UBAP2: variants seen among roughly 807,000 people sequenced by gnomAD.
UBAP2 encodes ubiquitin associated protein 2, also known as ubiquitin-associated protein 2.
A neutral mutation model predicts 139.6 loss-of-function variants in UBAP2; 75 were observed. The observed-to-expected ratio is 0.54, with a 90% CI of 0.45 to 0.65. The LOEUF (loss-of-function observed/expected upper bound fraction) is 0.65, where lower values mean the gene tolerates loss of function less well. Ranked by LOEUF, UBAP2 falls within the 30% of genes least tolerant of loss-of-function variation. The pLI is 0.00. For synonymous variants in UBAP2, 526 were observed against 526.2 expected, an observed-to-expected ratio of 1.00 and a Z score of 0.01; for missense variants, 1,368 against 1,369.6, an observed-to-expected ratio of 1.00 and a Z score of 0.02.
chr9:33,989,884 C>T (rs1259556583), intron 4 of UBAP2, among the ~76,000 whole-genome samples: 1 of 152,070 alleles, frequency 6.6e-6, no homozygotes. Context: ...TTATCTAAAA[C>T]AATTTAATGG....
Position 33,943,545 on chromosome 9 carries a change from T to C in UBAP2, c.1590A>G (p.Thr530=). 1.9e-6 allele frequency: 3 copies of C among 1,614,180 alleles called. No homozygotes were observed. The highest frequency in any genetic ancestry group is 2.5e-6 in the Non-Finnish European group (3 of 1,180,024). ...GAGCCCCAAACTGCACATTTAATCC[T>C]GTGACATCTGCTGAACCAGGCATTT... The part of the protein sequence containing the change: ...AVEMPGSADV[T]GLNVQFGALE... Residue 530 remains threonine (T), a synonymous_variant, in exon 15 of 29, where the codon ACA becomes ACG. Transcript: ENST00000379238.
chr9:34,004,394 G>A (rs938880841), intron 2 of UBAP2, among the ~76,000 whole-genome samples: 1 of 152,010 alleles, frequency 6.6e-6, no homozygotes, highest in South Asian at 2.1e-4. Flanking sequence ...TAAGGTGGGA[G>A]GATCACCTTA....
chr9:33,939,206 T>TTTTTTTTTTTTTTC (rs575154458), intron 16 of UBAP2, among the ~76,000 whole-genome samples: 2 of 138,316 alleles, frequency 1.4e-5, no homozygotes, highest in Non-Finnish European at 1.6e-5. Flanking sequence ...TTTTTTTTTT[T>TTTTTTTTTTTTTTC]TTTTTGAGAT....
At chr9:33,974,945 G>A (rs1828188810) in intron 6 of UBAP2, among the ~76,000 whole-genome samples, 1 of 149,382 alleles carries the variant, frequency 6.7e-6, no homozygotes, top group Non-Finnish European at 1.5e-5. Flanking sequence ...AAAAAGGGGG[G>A]GGTGCGGGGG....
intron 13 of UBAP2, 102 bp from the exon 14 acceptor site, chr9:33,944,741 C>T: frequency 7.3e-7 from 1 of 1,370,200 alleles, no homozygotes; most frequent in Non-Finnish European, 9.9e-7. Flanking sequence ...AAATCATTTC[C>T]AGTTGAATTT....
chr9:33,980,024 G>C (rs935419204), intron 6 of UBAP2, among the ~76,000 whole-genome samples: 2 of 151,682 alleles, frequency 1.3e-5, no homozygotes, highest in African/African-American at 4.8e-5. Flanking sequence ...AGTGAGCCGA[G>C]ATCACGCCAC....
chr9:34,004,820 A>T (rs1823044759), intron 2 of UBAP2, among the ~76,000 whole-genome samples: 1 of 151,588 alleles, frequency 6.6e-6, no homozygotes. Flanking sequence ...GTAAATTTTA[A>T]GGCTGGGCAC....
intron 11 of UBAP2, among the ~76,000 whole-genome samples, chr9:33,953,981 A>ACTGCAACCTCTGCCTCC: frequency 6.6e-6 from 1 of 151,684 alleles, no homozygotes; most frequent in South Asian, 2.1e-4. Flanking sequence ...ACCCTGGCTC[A>ACTGCAACCTCTGCCTCC]CTGCAACCTC....
intron 1 of UBAP2, among the ~76,000 whole-genome samples, chr9:34,032,276 A>T (rs1231222998): frequency 6.6e-6 from 1 of 152,216 alleles, no homozygotes; most frequent in African/African-American, 2.4e-5. Context: ...TGAAAGGATG[A>T]AAGTAAGAAC....
intron 2 of UBAP2, among the ~76,000 whole-genome samples, chr9:34,015,726 T>C (rs1294989960): frequency 6.6e-6 from 1 of 152,108 alleles, no homozygotes; most frequent in African/African-American, 2.4e-5. Context: ...TGAGCCAAGG[T>C]CTCACTCTGT....
rs767086185 is a variant in UBAP2, at chr9:33,941,810, A to G, written c.1768T>C (p.Tyr590His). 1 of 1,614,072 alleles carries G rather than the reference A, an allele frequency of 6.2e-7. No individual in the cohort carries two copies. Residue 590 changes from tyrosine to histidine, a missense_variant, in exon 16 of 29, where the codon TAT (tyrosine) becomes CAT (histidine). Coordinates refer to ENST00000379238, the MANE Select transcript of UBAP2 (RefSeq NM_001370062.2). ...CAGGAGGTAATGACGGAAGTTGTAT[A>G]TGTGGAGTTCTGTACTGCACTGGTC... ...SMTSAVQNST[Y>H]TTSVITSCSL...
At chr9:33,988,820 T>C (rs959250971) in intron 5 of UBAP2, among the ~76,000 whole-genome samples, 153 bp downstream of exon 5, 1 of 152,204 alleles carries the variant, frequency 6.6e-6, no homozygotes, top group Admixed American at 6.6e-5. Flanking sequence ...GACTAATCTT[T>C]CAGTCGTTCA....
At chr9:33,927,333 A>G (rs898062667) in intron 20 of UBAP2, among the ~76,000 whole-genome samples, 6 of 152,146 alleles carry the variant, frequency 3.9e-5, no homozygotes, top group Admixed American at 1.3e-4. Context: ...CCCAGTCCCT[A>G]AGGTCCCACT....
intron 8 of UBAP2, among the ~76,000 whole-genome samples, chr9:33,964,921 A>C (rs760961762): frequency 3.1e-4 from 47 of 152,140 alleles, no homozygotes; most frequent in Non-Finnish European, 5.4e-4. Flanking sequence ...CAGCACTTGG[A>C]ATTTTTCATT....
chr9:34,045,520 C>T (rs534268765), intron 1 of UBAP2, among the ~76,000 whole-genome samples: 24 of 151,966 alleles, frequency 1.6e-4, no homozygotes, highest in African/African-American at 3.4e-4. Flanking sequence ...ACTACAGGCA[C>T]GCGCCACCAC....
rs746453284 is a variant in UBAP2 at position 33,932,642 on chromosome 9, CAG to C, written c.2109-16_2109-15del. On this transcript the variant is annotated splice_polypyrimidine_tract_variant and intron_variant, in intron 18 of 28. Transcript: ENST00000379238. ...CTGGAGAGCGAACTAGAAGACAAAA[CAG>C]AGCGCCGTATGTCCACCTGAACAAG... is the stretch of plus-strand genomic sequence containing the variant. The C allele has an allele frequency of 1.2e-6, 2 of 1,613,614 alleles. No homozygotes were observed. The highest frequency in any genetic ancestry group is 2.2e-5 in the East Asian group (1 of 44,860).
intron 1 of UBAP2, among the ~76,000 whole-genome samples, chr9:34,038,219 G>T (rs912449080): frequency 6.6e-6 from 1 of 151,602 alleles, no homozygotes; most frequent in South Asian, 2.1e-4. Flanking sequence ...GAGAGGCTGA[G>T]GTGGGAAGAT....
chr9:33,935,640 A>AC, intron 17 of UBAP2, 199 bp downstream of exon 17: 1 of 635,432 alleles, frequency 1.6e-6, no homozygotes, highest in Non-Finnish European at 2.8e-6. Flanking sequence ...ATATGAGACC[A>AC]CCACCTCCTT....
chr9:33,922,675 C>T lies in UBAP2; in HGVS notation c.3264+12G>A, dbSNP rs565347052. The T allele has an allele frequency of 1.3e-6, 2 of 1,569,532 alleles. No homozygotes were observed. The highest frequency in any genetic ancestry group is 2.7e-5 in the African/African-American group (2 of 73,996). On this transcript the variant is annotated intron_variant, in intron 28 of 28. Coordinates refer to ENST00000379238, the MANE Select transcript of UBAP2 (RefSeq NM_001370062.2). ...CCCAGAGTAGGGTGGCTGCCTCCAT[C>T]ACTGTACTCACCTGTGCATCCTGCG...
Sources: gnomAD v4.1 joint callset for allele counts (sites outside exome capture counted in the v4.1 genomes callset) on GRCh38, gnomAD v4.1.1 for gene constraint, MANE v1.5 for transcripts, NCBI Gene and HGNC (gene_info 2026-07-23, HGNC 2026-07-21) for gene names.